Variants in CSMD3 observed in about 807,000 individuals in gnomAD.
The protein encoded by CSMD3 is CUB and Sushi multiple domains 3.
A neutral mutation model predicts 435.2 loss-of-function variants in CSMD3; 177 were observed. That is an observed-to-expected ratio of 0.41 (90% CI 0.36 to 0.46). The LOEUF (loss-of-function observed/expected upper bound fraction) is 0.46, where lower values mean the gene tolerates loss of function less well. Ranked by LOEUF, CSMD3 falls within the 20% of genes least tolerant of loss-of-function variation. The pLI is 0.34. For synonymous variants in CSMD3, 1,656 were observed against 1,520.5 expected, an observed-to-expected ratio of 1.09 and a Z score of -2.07; for missense variants, 4,265 against 4,504.6, an observed-to-expected ratio of 0.95 and a Z score of 1.52.
chr8:112,704,522 A>G (rs2076457628), intron 13 of CSMD3, among the ~76,000 whole-genome samples: 1 of 152,130 alleles, frequency 6.6e-6, no homozygotes, highest in Non-Finnish European at 1.5e-5. Flanking sequence ...GCCAGTCTTC[A>G]TAGGTATGGG....
At chr8:112,964,543 A>G (rs1049986800) in intron 7 of CSMD3, among the ~76,000 whole-genome samples, 1 of 151,950 alleles carries the variant, frequency 6.6e-6, no homozygotes, top group Admixed American at 6.6e-5. Flanking sequence ...TAAAAGGTGT[A>G]GCAAAACCAA....
rs532332072 is a variant in CSMD3 at position 113,407,344 on chromosome 8, A to C, written c.178+29333T>G. 2.0e-5 allele frequency among the ~76,000 whole-genome samples: 3 copies of C among 152,254 alleles called. No individual in the cohort carries two copies. The South Asian group carries it at 6.2e-4, about 32-fold the overall frequency. On this transcript the variant is annotated intron_variant, in intron 1 of 70. Transcript: ENST00000297405. The stretch of plus-strand genomic sequence containing the variant: ...ACACATGTCTTTTGAACTGTACTTC[A>C]CTGAATTTTAAGTGAGCCACCATGT...
intron 5 of CSMD3, among the ~76,000 whole-genome samples, chr8:113,065,353 C>A (rs1267331995): frequency 1.3e-5 from 2 of 152,024 alleles, no homozygotes; most frequent in Non-Finnish European, 2.9e-5. Context: ...AAATAAGAGG[C>A]AAGGCATGGG....
At chr8:113,010,817 C>A (rs1269457552) in intron 6 of CSMD3, among the ~76,000 whole-genome samples, 3 of 151,372 alleles carry the variant, frequency 2.0e-5, no homozygotes, top group South Asian at 2.1e-4. Context: ...ATGATATTTT[C>A]TTTTTAATTA....
chr8:112,231,384 T>C lies in CSMD3; in HGVS notation c.10828+161A>G, dbSNP rs79143945. 2.8e-4 allele frequency among the ~76,000 whole-genome samples: 43 copies of C among 152,314 alleles called. No individual in the cohort carries two copies. The East Asian group carries it at 8.1e-3, about 29-fold the overall frequency. On this transcript the variant is annotated intron_variant, in intron 69 of 70. Transcript: ENST00000297405. ...CATAAAGATCCAGTATTTTGAAGAA[T>C]GTGATTATTTAAAAGGGCTATCAAA...
At chr8:112,828,548 T>C (rs556173077) in intron 12 of CSMD3, among the ~76,000 whole-genome samples, 2 of 152,184 alleles carry the variant, frequency 1.3e-5, no homozygotes, top group Admixed American at 1.3e-4. Context: ...CCATTGTAAG[T>C]TTCCCGAGGT....
intron 32 of CSMD3, among the ~76,000 whole-genome samples, chr8:112,470,566 G>C (rs1327204734): frequency 6.6e-6 from 1 of 152,008 alleles, no homozygotes; most frequent in African/African-American, 2.4e-5. Context: ...AATCTGACTT[G>C]AAAGCTGGCA....
chr8:112,583,277 AGAG>A (rs1489135285), intron 23 of CSMD3, among the ~76,000 whole-genome samples: 1 of 151,924 alleles, frequency 6.6e-6, no homozygotes, highest in Non-Finnish European at 1.5e-5. Context: ...AAATGAGGAG[AGAG>A]GAGATGTGTG....
intron 4 of CSMD3, among the ~76,000 whole-genome samples, chr8:113,115,902 T>G (rs1210482859): frequency 1.3e-5 from 2 of 152,114 alleles, no homozygotes; most frequent in Admixed American, 1.3e-4. Flanking sequence ...CATAATGGGA[T>G]TAGTGCCTAG....
chr8:112,456,440 A>G (rs1050995373), intron 32 of CSMD3, among the ~76,000 whole-genome samples: 3 of 152,104 alleles, frequency 2.0e-5, no homozygotes, highest in Admixed American at 2.0e-4. Flanking sequence ...TAGTTCTATG[A>G]AATACTATTA....
chr8:113,352,391 G>A (rs761818892), intron 1 of CSMD3, among the ~76,000 whole-genome samples: 1 of 152,014 alleles, frequency 6.6e-6, no homozygotes, highest in Non-Finnish European at 1.5e-5. Flanking sequence ...GAAGAAGCAA[G>A]GCAGGATTCT....
chr8:112,386,324 G>C (rs1272026481), intron 36 of CSMD3, among the ~76,000 whole-genome samples: 1 of 152,124 alleles, frequency 6.6e-6, no homozygotes, highest in Non-Finnish European at 1.5e-5. Flanking sequence ...AATATAATTT[G>C]CCACTGGGAT....
At chr8:113,425,279 T>G (rs1262182881) in intron 1 of CSMD3, among the ~76,000 whole-genome samples, 1 of 151,488 alleles carries the variant, frequency 6.6e-6, no homozygotes, top group African/African-American at 2.4e-5. Context: ...TTTACTTTAA[T>G]CAAAAGAAAA....
Position 112,698,601 on chromosome 8 carries a change from G to A in CSMD3, c.1973-8551C>T, listed in dbSNP as rs73344621. Among the ~76,000 whole-genome samples, 461 of 152,220 alleles carry A rather than the reference G, an allele frequency of 3.0e-3. 1 individual carries two copies. Among genetic ancestry groups the A allele is most frequent in the African/African-American group, 0.01 (427 of 41,536 alleles). ...GGTGTACTTAAAGAATGATGGTGGGGACATATCAAAAGGACATAGAGGCCA... is the reference window on the plus strand; with the variant it reads ...GGTGTACTTAAAGAATGATGGTGGGAACATATCAAAAGGACATAGAGGCCA... On this transcript the variant is annotated intron_variant, in intron 13 of 70. Coordinates refer to ENST00000297405, the MANE Select transcript of CSMD3 (RefSeq NM_198123.2).
intron 61 of CSMD3, among the ~76,000 whole-genome samples, chr8:112,256,645 A>T (rs1342327781): frequency 6.6e-6 from 1 of 152,180 alleles, no homozygotes. Context: ...ACCTTTATCA[A>T]ATGCTTTCAA....
At chr8:112,833,938 C>T (rs2079950424) in intron 11 of CSMD3, among the ~76,000 whole-genome samples, 1 of 151,832 alleles carries the variant, frequency 6.6e-6, no homozygotes, top group Non-Finnish European at 1.5e-5. Context: ...GAGAATGTTT[C>T]CTTTCATATG....
intron 4 of CSMD3, among the ~76,000 whole-genome samples, chr8:113,101,726 A>G (rs1484150086): frequency 6.6e-6 from 1 of 151,980 alleles, no homozygotes; most frequent in Non-Finnish European, 1.5e-5. Context: ...ATTCAAACCA[A>G]TGTTCATGTC....
chr8:113,015,030 C>T (rs942998694), intron 6 of CSMD3, among the ~76,000 whole-genome samples: 10 of 152,104 alleles, frequency 6.6e-5, no homozygotes, highest in African/African-American at 2.4e-4. Context: ...ACTTAATATA[C>T]TATGCTGCAT....
chr8:112,272,928 AT>A (rs1348801495), intron 59 of CSMD3, among the ~76,000 whole-genome samples: 1 of 152,154 alleles, frequency 6.6e-6, no homozygotes, highest in African/African-American at 2.4e-5. Context: ...CTTTTTGCCT[AT>A]GAAGTACATA....
Sources: allele counts gnomAD v4.1 joint callset (sites outside exome capture counted in the v4.1 genomes callset), GRCh38; gene constraint gnomAD v4.1.1; transcripts MANE v1.5; gene names NCBI Gene and HGNC (gene_info 2026-07-23, HGNC 2026-07-21).